Variants in ADAM22 observed in about 807,000 individuals in gnomAD.
The protein encoded by ADAM22 is disintegrin and metalloproteinase domain-containing protein 22.
Under a neutral mutation model 144.6 loss-of-function variants are expected in ADAM22, and 65 were observed. The observed-to-expected ratio is 0.45, with a 90% CI of 0.37 to 0.55. ADAM22 has a LOEUF of 0.55. Among genes scored for constraint, ADAM22 ranks in the 20% least tolerant of loss-of-function variants. ADAM22 has a pLI of 0.00. For synonymous variants in ADAM22, 391 were observed against 412.6 expected, an observed-to-expected ratio of 0.95 and a Z score of 0.63; for missense variants, 974 against 1,184.9, an observed-to-expected ratio of 0.82 and a Z score of 2.61.
intron 5 of ADAM22, among the ~76,000 whole-genome samples, chr7:88,113,703 A>AATATATATATATATATATATAT (rs58099116): frequency 1.2e-4 from 6 of 48,108 alleles, no homozygotes; most frequent in Non-Finnish European, 1.9e-4. Flanking sequence ...TAAATAAATA[A>AATATATATATATATATATATAT]ATATATATAT....
intron 25 of ADAM22, among the ~76,000 whole-genome samples, chr7:88,169,492 T>G (rs1308666625): frequency 6.6e-6 from 1 of 152,062 alleles, no homozygotes; most frequent in African/African-American, 2.4e-5. Flanking sequence ...TTCAGCTAAA[T>G]AAACTCTTTC....
At chr7:88,156,638 T>C (rs1443266784) in intron 22 of ADAM22, among the ~76,000 whole-genome samples, 1 of 150,906 alleles carries the variant, frequency 6.6e-6, no homozygotes, top group Non-Finnish European at 1.5e-5. Flanking sequence ...ATACAGAAAA[T>C]AGATGAAAGG....
At chr7:88,006,711 C>G (rs1228628082) in intron 3 of ADAM22, among the ~76,000 whole-genome samples, 1 of 149,502 alleles carries the variant, frequency 6.7e-6, no homozygotes, top group Non-Finnish European at 1.5e-5. Context: ...GCCCTTCATG[C>G]TAAAAACTCT....
chr7:88,165,963 G>T lies in ADAM22; in HGVS notation c.2191+17G>T. 1 of 1,562,270 alleles carries T rather than the reference G, an allele frequency of 6.4e-7. No individual in the cohort carries two copies. On this transcript the variant is annotated intron_variant, in intron 24 of 31. Coordinates refer to ENST00000413139, the MANE Select transcript of ADAM22 (RefSeq NM_001324418.2). ...CTGGCAATGGTAAGTACTTAATTTG[G>T]TAACATTATGTAGTCTTTATACACA... is the stretch of plus-strand genomic sequence containing the variant.
chr7:87,944,138 A>G (rs561107749), intron 2 of ADAM22, among the ~76,000 whole-genome samples: 4 of 137,926 alleles, frequency 2.9e-5, no homozygotes, highest in African/African-American at 5.3e-5. Flanking sequence ...ATTCTGCTTT[A>G]TTTTTTTTTT....
At chr7:87,982,728 C>G (rs1417774939) in intron 3 of ADAM22, among the ~76,000 whole-genome samples, 2 of 80,470 alleles carry the variant, frequency 2.5e-5, no homozygotes, top group African/African-American at 1.0e-4. Flanking sequence ...CAGTTTTGCT[C>G]TTGTTGCCCA....
intron 2 of ADAM22, among the ~76,000 whole-genome samples, chr7:87,943,551 T>C (rs1267126399): frequency 6.6e-6 from 1 of 152,162 alleles, no homozygotes; most frequent in Non-Finnish European, 1.5e-5. Flanking sequence ...TAGAAATATT[T>C]TATATAAAAA....
At chr7:88,077,158 A>G (rs1814780630) in intron 4 of ADAM22, among the ~76,000 whole-genome samples, 2 of 152,130 alleles carry the variant, frequency 1.3e-5, no homozygotes, top group South Asian at 4.1e-4. Flanking sequence ...GCCTTTGTTC[A>G]GTTTTTTATG....
chr7:88,178,736 T>C (rs956911640), intron 26 of ADAM22, among the ~76,000 whole-genome samples, 199 bp from the exon 27 acceptor site: 1 of 152,162 alleles, frequency 6.6e-6, no homozygotes, highest in African/African-American at 2.4e-5. Context: ...ATAAAAGACT[T>C]TTGTAATTGC....
chr7:88,120,178 A>G (rs534526683), intron 7 of ADAM22, among the ~76,000 whole-genome samples: 4 of 151,462 alleles, frequency 2.6e-5, no homozygotes, highest in African/African-American at 4.9e-5. Context: ...TTTTTAATAT[A>G]TATATATTTT....
At position 88,196,523 on chromosome 7, in the gene ADAM22, CTG is replaced by C; in HGVS notation, c.*34_*35del. ...CTGTTTACATGTGATACATCGAAAA[CTG>C]TTTACTTCAACTTTTATAGAAACCC... On this transcript the variant is annotated 3_prime_UTR_variant, in exon 32 of 32. Transcript: ENST00000413139. The C allele has an allele frequency of 6.2e-7, 1 of 1,612,110 alleles. No individual in the cohort carries two copies. The highest frequency in any genetic ancestry group is 2.2e-5 in the East Asian group (1 of 44,852).
intron 29 of ADAM22, among the ~76,000 whole-genome samples, chr7:88,184,790 C>T (rs527340674): frequency 2.6e-5 from 4 of 152,280 alleles, no homozygotes; most frequent in Admixed American, 2.0e-4. Context: ...CAGTGAAGAA[C>T]TCTCTGGTGA....
chr7:87,982,082 C>T (rs1448536502), intron 3 of ADAM22, among the ~76,000 whole-genome samples: 8 of 148,228 alleles, frequency 5.4e-5, no homozygotes, highest in African/African-American at 1.7e-4. Flanking sequence ...CACACACACA[C>T]ACACACACAC....
chr7:87,984,433 G>A (rs1448481779), intron 3 of ADAM22, among the ~76,000 whole-genome samples: 1 of 152,170 alleles, frequency 6.6e-6, no homozygotes, highest in Non-Finnish European at 1.5e-5. Flanking sequence ...AGCTTTTTAA[G>A]AGAGAAATCT....
intron 22 of ADAM22, among the ~76,000 whole-genome samples, chr7:88,162,118 A>ACACACG (rs1841842526): frequency 6.6e-6 from 1 of 151,590 alleles, no homozygotes; most frequent in African/African-American, 2.4e-5. Flanking sequence ...ACACACACAC[A>ACACACG]CACACACACA....
At chr7:88,128,703 T>G in intron 9 of ADAM22, 27 bp downstream of exon 9, 2 of 1,591,568 alleles carry the variant, frequency 1.3e-6, no homozygotes, top group Non-Finnish European at 1.7e-6. Context: ...TTTTTAAGCC[T>G]GTTTGTGCCT....
intron 3 of ADAM22, among the ~76,000 whole-genome samples, chr7:87,999,368 A>G (rs1197611016): frequency 3.3e-5 from 5 of 151,930 alleles, no homozygotes; most frequent in East Asian, 1.9e-4. Flanking sequence ...CTTATGATCT[A>G]TGTGGGGTGT....
At chr7:88,075,504 TA>T (rs1814160849) in intron 3 of ADAM22, 121 bp from the exon 4 acceptor site, 2 of 751,590 alleles carry the variant, frequency 2.7e-6, no homozygotes, top group Non-Finnish European at 4.7e-6. Flanking sequence ...GAGAGACCTA[TA>T]AAGTGTTGAT....
At chr7:88,035,401 C>T (rs571570717) in intron 3 of ADAM22, among the ~76,000 whole-genome samples, 4 of 152,244 alleles carry the variant, frequency 2.6e-5, no homozygotes, top group South Asian at 2.1e-4. Context: ...TGGAGCCTTC[C>T]CCCAAGGGAA....
Sources: gnomAD v4.1 joint callset for allele counts (sites outside exome capture counted in the v4.1 genomes callset) on GRCh38, gnomAD v4.1.1 for gene constraint, MANE v1.5 for transcripts, NCBI Gene and HGNC (gene_info 2026-07-23, HGNC 2026-07-21) for gene names.